The following CTSC variants were observed in gnomAD, a reference collection of about 807,000 sequenced individuals.
The protein encoded by CTSC is dipeptidyl peptidase 1.
Under a neutral mutation model 40.9 loss-of-function variants are expected in CTSC, and 37 were observed. The ratio of observed to expected loss-of-function variants is 0.91; its 90% CI spans 0.70 to 1.19. The LOEUF is 1.19. Among genes scored for constraint, CTSC ranks in the 50% most tolerant of loss-of-function variants. CTSC has a pLI of 0.00. For synonymous variants in CTSC, 232 were observed against 207.4 expected, an observed-to-expected ratio of 1.12 and a Z score of -1.02; for missense variants, 594 against 567.3, an observed-to-expected ratio of 1.05 and a Z score of -0.48.
intron 2 of CTSC, chr11:88,323,213 T>A (rs1364066272): frequency 6.6e-6 from 1 of 152,152 alleles, no homozygotes; most frequent in Non-Finnish European, 1.5e-5. Context: ...TTCGATACAA[T>A]TCAACATCGC....
intron 3 of CTSC, among the ~76,000 whole-genome samples, chr11:88,311,563 T>C (rs1314823907): frequency 7.2e-5 from 11 of 152,216 alleles, no homozygotes; most frequent in Admixed American, 3.9e-4. Context: ...TAGTCAGTTA[T>C]AGATTTAATT....
chr11:88,311,669 C>T (rs952687283), intron 3 of CTSC, among the ~76,000 whole-genome samples: 9 of 152,124 alleles, frequency 5.9e-5, no homozygotes, highest in Admixed American at 5.9e-4. Context: ...AGCCATATGA[C>T]TGTATTTGGA....
chr11:88,328,906 C>G (rs1269925028), intron 2 of CTSC, among the ~76,000 whole-genome samples: 1 of 152,100 alleles, frequency 6.6e-6, no homozygotes, highest in Non-Finnish European at 1.5e-5. Flanking sequence ...TTTTGAGTAG[C>G]AACTTGCTTT....
rs765972563 is a variant in CTSC at position 88,296,252 on chromosome 11, C to T, written c.770G>A (p.Ser257Asn). 6.2e-7 allele frequency: 1 copy of T among 1,613,922 alleles called. No individual in the cohort carries two copies. The highest frequency in any genetic ancestry group is 8.5e-7 in the Non-Finnish European group (1 of 1,179,864). The change falls in exon 6 of 7, where the codon AGC becomes AAC. Residue 257 changes from serine (S) to asparagine (N), a missense_variant. By Grantham distance (46) the Ser-to-Asn change is conservative. Coordinates refer to ENST00000227266, the MANE Select transcript of CTSC (RefSeq NM_001814.6). ...SPVRNQASCGSCYSFASMGML... is the reference protein window; with the variant it reads ...SPVRNQASCGNCYSFASMGML... Reference sequence around the variant, plus strand: ...ACCCATAGAAGCAAATGAGTAGCAGCTGCCACAGGATGCTGGCGATGAAAA... The same window carrying T: ...ACCCATAGAAGCAAATGAGTAGCAGTTGCCACAGGATGCTGGCGATGAAAA...
chr11:88,321,040 G>A (rs1448822389), intron 2 of CTSC: 1 of 984,938 alleles, frequency 1.0e-6, no homozygotes, highest in African/African-American at 1.7e-5. Flanking sequence ...TGTACTCACT[G>A]AATCTTCTCT....
At chr11:88,334,689 C>A in intron 2 of CTSC, 1 of 433,458 alleles carries the variant, frequency 2.3e-6, no homozygotes, top group Non-Finnish European at 4.1e-6. Flanking sequence ...GTCATACTTA[C>A]CAAAATGTAA....
intron 4 of CTSC, among the ~76,000 whole-genome samples, chr11:88,304,504 A>G (rs938744743): frequency 1.3e-5 from 2 of 152,198 alleles, no homozygotes; most frequent in Non-Finnish European, 2.9e-5. Context: ...AAACAGTGTG[A>G]GAACTGAGGC....
intron 6 of CTSC, 44 bp from the exon 7 acceptor site, chr11:88,294,552 G>A: frequency 6.2e-7 from 1 of 1,608,784 alleles, no homozygotes; most frequent in Middle Eastern, 1.7e-4. Context: ...GTAGAAAAAG[G>A]ATTATCCCAT....
chr11:88,322,804 G>T (rs142362147), intron 2 of CTSC: 2 of 152,238 alleles, frequency 1.3e-5, no homozygotes, highest in East Asian at 3.9e-4. Context: ...AAAAGTCCAG[G>T]ACCAGATGGA....
chr11:88,305,463 T>C (rs973616976), intron 4 of CTSC, among the ~76,000 whole-genome samples: 1 of 152,208 alleles, frequency 6.6e-6, no homozygotes, highest in Non-Finnish European at 1.5e-5. Context: ...GAGTACAAGA[T>C]ACAGGATTGG....
At position 88,303,991 on chromosome 11, in the gene CTSC, G is replaced by A. The variant is rs114002242; in HGVS notation, c.642-3346C>T. On this transcript the variant is annotated intron_variant, in intron 4 of 6. Coordinates refer to ENST00000227266, the MANE Select transcript of CTSC (RefSeq NM_001814.6). ...TAATGTGCCCCAACGTTAAAAGATA[G>A]TGACAAGGGCTATGGGAGTTATGAG... 8.8e-3 allele frequency among the ~76,000 whole-genome samples: 1,342 copies of A among 152,078 alleles called. 23 individuals carry two copies. The highest frequency in any genetic ancestry group is 0.031 in the African/African-American group (1,272 of 41,472).
intron 2 of CTSC, among the ~76,000 whole-genome samples, chr11:88,315,813 C>A (rs1937865133): frequency 6.6e-6 from 1 of 152,102 alleles, no homozygotes; most frequent in South Asian, 2.1e-4. Context: ...ACGGGAGATA[C>A]CCAGAAATGA....
At chr11:88,320,847 T>C (rs1316730864) in intron 2 of CTSC, 17 of 845,392 alleles carry the variant, frequency 2.0e-5, no homozygotes, top group Non-Finnish European at 2.3e-5. Flanking sequence ...CAAGTATTTA[T>C]TGAAGGCTTA....
At chr11:88,314,412 A>G (rs1937831435) in intron 2 of CTSC, among the ~76,000 whole-genome samples, 1 of 152,224 alleles carries the variant, frequency 6.6e-6, no homozygotes, top group Non-Finnish European at 1.5e-5. Context: ...TGGCTTTAGA[A>G]TCCAGAAAAA....
At chr11:88,334,601 A>G (rs1228467736) in intron 2 of CTSC, 2 of 288,942 alleles carry the variant, frequency 6.9e-6, no homozygotes, top group Admixed American at 5.0e-5. Flanking sequence ...TTTCCTACAG[A>G]TTTAGAACAA....
chr11:88,312,524 A>G lies in CTSC; in HGVS notation c.349T>C (p.Tyr117His), dbSNP rs1937788216. The G allele has an allele frequency of 1.9e-6, 3 of 1,614,190 alleles. No homozygotes were observed. Among genetic ancestry groups the G allele is most frequent in the Non-Finnish European group, 2.5e-6 (3 of 1,180,026 alleles). Residue 117 changes from tyrosine (Y) to histidine (H), a missense_variant, in exon 3 of 7, where the codon TAC becomes CAC. Tyr to His is a moderately conservative substitution (Grantham distance 83). Coordinates refer to ENST00000227266, the MANE Select transcript of CTSC (RefSeq NM_001814.6). ...YKEEGSKVTT[Y>H]CNETMTGWVH... is the part of the protein sequence containing the mutation. The stretch of plus-strand genomic sequence containing the variant: ...CACCCAGTCATTGTCTCGTTGCAGT[A>G]AGTGGTCACCTTGCTGCCCTCTTCT...
At chr11:88,301,805 C>CGT (rs1491489131) in intron 4 of CTSC, among the ~76,000 whole-genome samples, 7 of 48,492 alleles carry the variant, frequency 1.4e-4, no homozygotes, top group Admixed American at 6.5e-4. Context: ...CACAAACACA[C>CGT]GCGCGCACAC....
rs575939363 is a variant in CTSC at position 88,336,537 on chromosome 11, C to G, written c.172+964G>C. Among the ~76,000 whole-genome samples the G allele has an allele frequency of 1.4e-4, 18 of 126,446 alleles. No individual in the cohort carries two copies. The South Asian group carries it at 2.3e-3, about 16-fold the overall frequency. 83.0% of individuals were successfully genotyped at this position (126,446 alleles called of 152,430 possible). A position where few individuals can be genotyped will look rare whatever the true frequency, so the allele number is the denominator to read the frequency against. On this transcript the variant is annotated intron_variant, in intron 1 of 6. Transcript: ENST00000227266. ...CTGGGTGACAGAGCAAGACTCCATT[C>G]TCAAAAAAAAAAAAAAAAAAGTTAC...
Position 88,300,520 on chromosome 11 carries a change from A to C in CTSC, c.757+10T>G. 1 of 1,543,742 alleles carries C rather than the reference A, an allele frequency of 6.5e-7. No individual in the cohort carries two copies. Among genetic ancestry groups the C allele is most frequent in the Non-Finnish European group, 9.0e-7 (1 of 1,115,860 alleles). ...ACAAATTAACAAAAAACTTAGGCTTATTTTTTTACCTTGGTTTCGAACAGG... is the reference window on the plus strand; with the variant it reads ...ACAAATTAACAAAAAACTTAGGCTTCTTTTTTTACCTTGGTTTCGAACAGG... On this transcript the variant is annotated intron_variant, in intron 5 of 6. Coordinates refer to ENST00000227266, the MANE Select transcript of CTSC (RefSeq NM_001814.6).
Sources: allele counts gnomAD v4.1 joint callset (sites outside exome capture counted in the v4.1 genomes callset), GRCh38; gene constraint gnomAD v4.1.1; transcripts MANE v1.5; gene names NCBI Gene and HGNC (gene_info 2026-07-23, HGNC 2026-07-21).